The following UNC13B variants were observed in gnomAD, a reference collection of about 807,000 sequenced individuals.
UNC13B encodes the protein unc-13 homolog B.
A neutral mutation model predicts 211.0 loss-of-function variants in UNC13B; 144 were observed. The observed-to-expected ratio is 0.68, with a 90% CI of 0.60 to 0.78. The LOEUF (loss-of-function observed/expected upper bound fraction) is 0.78, where lower values mean the gene tolerates loss of function less well. Ranked by LOEUF, UNC13B falls within the 30% of genes least tolerant of loss-of-function variation. The pLI is 0.00. For synonymous variants in UNC13B, 709 were observed against 725.8 expected, an observed-to-expected ratio of 0.98 and a Z score of 0.37; for missense variants, 1,777 against 2,002.0, an observed-to-expected ratio of 0.89 and a Z score of 2.14.
intron 1 of UNC13B, among the ~76,000 whole-genome samples, chr9:35,166,905 A>G (rs1382381071): frequency 6.6e-6 from 1 of 152,070 alleles, no homozygotes; most frequent in African/African-American, 2.4e-5. Context: ...TTTAACCTCA[A>G]TGATCTATTT....
rs1408883683 is a variant in UNC13B at position 35,189,731 on chromosome 9, G to A, written c.22+27426G>A. Among the ~76,000 whole-genome samples, 4 of 152,266 alleles carry A rather than the reference G, an allele frequency of 2.6e-5. 1 individual carries two copies. In the South Asian group the frequency reaches 6.2e-4, roughly 24 times the overall value. Reference sequence around the variant, plus strand: ...GTTGTCCAGGCTGGAGTGCAAAGGCGTGATCCCGGCTCACCGCAACCTCCG... The same window carrying A: ...GTTGTCCAGGCTGGAGTGCAAAGGCATGATCCCGGCTCACCGCAACCTCCG... On this transcript the variant is annotated intron_variant, in intron 1 of 39. Coordinates refer to ENST00000635942, the MANE Select transcript of UNC13B (RefSeq NM_001371189.2).
chr9:35,188,232 T>G (rs1295969578), intron 1 of UNC13B, among the ~76,000 whole-genome samples: 1 of 152,214 alleles, frequency 6.6e-6, no homozygotes, highest in African/African-American at 2.4e-5. Flanking sequence ...AAAACTCACA[T>G]TTGAGAACAC....
intron 1 of UNC13B, among the ~76,000 whole-genome samples, chr9:35,172,039 AT>A (rs199902879): frequency 3.0e-4 from 46 of 150,870 alleles, no homozygotes; most frequent in Non-Finnish European, 4.9e-4. Context: ...TTATTTATTA[AT>A]TTTTTTTTGT....
chr9:35,234,463 A>G (rs532412417), intron 3 of UNC13B, among the ~76,000 whole-genome samples: 8 of 152,176 alleles, frequency 5.3e-5, no homozygotes, highest in Admixed American at 3.9e-4. Flanking sequence ...GATAAGTCCA[A>G]TGGATTTGAG....
intron 11 of UNC13B, among the ~76,000 whole-genome samples, chr9:35,338,773 C>T (rs1442599880): frequency 6.6e-6 from 1 of 152,202 alleles, no homozygotes. Context: ...TAAGCACCTG[C>T]TGGTCCTGAC....
intron 2 of UNC13B, among the ~76,000 whole-genome samples, chr9:35,229,953 A>G (rs1270905848): frequency 6.6e-6 from 1 of 152,154 alleles, no homozygotes; most frequent in Non-Finnish European, 1.5e-5. Context: ...TTTTCATTGT[A>G]TAACATTAGG....
chr9:35,292,775 C>T (rs1156722471), intron 7 of UNC13B, among the ~76,000 whole-genome samples: 1 of 152,152 alleles, frequency 6.6e-6, no homozygotes, highest in African/African-American at 2.4e-5. Context: ...TTCAAATAGA[C>T]TTTACCAGGG....
intron 23 of UNC13B, 150 bp downstream of exon 23, chr9:35,385,963 TGA>T: frequency 7.2e-7 from 1 of 1,383,336 alleles, no homozygotes; most frequent in Non-Finnish European, 9.8e-7. Flanking sequence ...GGGTTACTTC[TGA>T]GAGAGCACAT....
At chr9:35,400,507 T>A in intron 37 of UNC13B, 64 bp downstream of exon 37, 1 of 1,539,856 alleles carries the variant, frequency 6.5e-7, no homozygotes, top group Non-Finnish European at 8.8e-7. Flanking sequence ...CCCTAGGGAG[T>A]CTGTATCTTC....
intron 1 of UNC13B, among the ~76,000 whole-genome samples, chr9:35,200,701 C>T (rs372073737): frequency 6.6e-6 from 1 of 152,014 alleles, no homozygotes; most frequent in Non-Finnish European, 1.5e-5. Context: ...CTGAGACTTT[C>T]CTGAAGTTGC....
chr9:35,255,679 A>T (rs901985084), intron 6 of UNC13B, among the ~76,000 whole-genome samples: 12 of 151,936 alleles, frequency 7.9e-5, no homozygotes, highest in African/African-American at 2.9e-4. Context: ...GGGTGGTGTC[A>T]GCTGATTGAT....
intron 7 of UNC13B, among the ~76,000 whole-genome samples, chr9:35,260,053 A>AAC (rs1554693429): frequency 6.7e-5 from 10 of 149,120 alleles, no homozygotes; most frequent in Non-Finnish European, 1.0e-4. Flanking sequence ...AAAAAAAAAA[A>AAC]AAAAAAAAAA....
chr9:35,398,967 G>A lies in UNC13B; in HGVS notation c.12007G>A (p.Ala4003Thr), dbSNP rs758739667. The A allele has an allele frequency of 2.2e-5, 36 of 1,614,186 alleles. No homozygotes were observed. The highest frequency in any genetic ancestry group is 2.5e-5 in the Non-Finnish European group (29 of 1,180,026). Residue 4003 changes from alanine to threonine, a missense_variant, in exon 33 of 40, where the codon GCC becomes ACC. By Grantham distance (58) the Ala-to-Thr change is moderately conservative. Transcript: ENST00000635942. ...VRGTGNASPD[A>T]RASAAQDADS... ...GGGCACAGGGAATGCATCTCCAGACGCCAGGGCCTCAGCGGCTCAGGATGC... is the reference window on the plus strand; with the variant it reads ...GGGCACAGGGAATGCATCTCCAGACACCAGGGCCTCAGCGGCTCAGGATGC...
intron 1 of UNC13B, among the ~76,000 whole-genome samples, chr9:35,167,750 G>A (rs1412123153): frequency 2.1e-5 from 3 of 139,624 alleles, no homozygotes; most frequent in African/African-American, 5.3e-5. Context: ...ACCATGCCTG[G>A]CTAATTTTTT....
chr9:35,182,674 CTT>C (rs1011469843), intron 1 of UNC13B, among the ~76,000 whole-genome samples: 5 of 152,034 alleles, frequency 3.3e-5, no homozygotes, highest in African/African-American at 1.2e-4. Context: ...GGTGATGACT[CTT>C]AACGAGCATG....
chr9:35,257,358 TATAAATATTTATAAAATATTTA>T (rs1826962225), intron 6 of UNC13B, among the ~76,000 whole-genome samples: 2 of 2,958 alleles, frequency 6.8e-4, no homozygotes, highest in Admixed American at 0.011. Context: ...AAAATATTTA[TATAAATATTTATAAAATATTTA>T]TATAAATATT....
intron 32 of UNC13B, 98 bp from the exon 33 acceptor site, chr9:35,398,784 C>G: frequency 1.3e-6 from 2 of 1,569,012 alleles, no homozygotes; most frequent in Non-Finnish European, 8.7e-7. Context: ...GCTGGAAATG[C>G]ACCATGAGCA....
Position 35,305,478 on chromosome 9 carries a change from AG to A in UNC13B, c.6077del (p.Gly2026ValfsTer21), listed in dbSNP as rs746629264. On this transcript the variant is annotated frameshift_variant, in exon 9 of 40. Transcript: ENST00000635942. LOFTEE classifies it high-confidence loss of function. ...SSPTPMELAS[Q>X]GAGNFPAAPI... ...CCTACTCCTATGGAGCTAGCTAGCCAGGGTGCTGGGAACTTTCCTGCTGCAC... is the reference window on the plus strand; with the variant it reads ...CCTACTCCTATGGAGCTAGCTAGCCAGGTGCTGGGAACTTTCCTGCTGCAC... 5 of 399,020 alleles carry A rather than the reference AG, an allele frequency of 1.3e-5. No homozygotes were observed. The highest frequency in any genetic ancestry group is 2.2e-5 in the Non-Finnish European group (5 of 226,034). The allele number at this position is 399,020 out of a possible 1,614,324, so 24.7% of individuals were successfully genotyped here. A position where few individuals can be genotyped will look rare whatever the true frequency, so the allele number is the denominator to read the frequency against.
chr9:35,400,515 T>A, intron 37 of UNC13B, 72 bp downstream of exon 37: 1 of 1,515,610 alleles, frequency 6.6e-7, no homozygotes, highest in Non-Finnish European at 8.9e-7. Flanking sequence ...AGTCTGTATC[T>A]TCATGCCCTT....
Sources: allele counts gnomAD v4.1 joint callset (sites outside exome capture counted in the v4.1 genomes callset), GRCh38; gene constraint gnomAD v4.1.1; transcripts MANE v1.5; gene names NCBI Gene and HGNC (gene_info 2026-07-23, HGNC 2026-07-21).